Variants in SCUBE1 observed in about 807,000 individuals in gnomAD.
The protein encoded by SCUBE1 is signal peptide, CUB domain and EGF like domain containing 1.
A neutral mutation model predicts 124.4 loss-of-function variants in SCUBE1; 59 were observed. The observed-to-expected ratio is 0.47, with a 90% CI of 0.38 to 0.59. SCUBE1 has a LOEUF of 0.59. SCUBE1 is among the 20% of genes least tolerant of loss of function. SCUBE1 has a pLI of 0.00. For missense variants in SCUBE1, 1,150 were observed against 1,371.2 expected (o/e 0.84, Z 2.55); for synonymous variants, 545 against 550.9 (o/e 0.99, Z 0.15).
At position 43,222,624 on chromosome 22, in the gene SCUBE1, GC is replaced by G. The variant is rs1484057351; in HGVS notation, c.1432+13del. ...ACCCAGTGGCATGCAGCATGGACAG[GC>G]CGGGGGGGTTACCTGAGCAGCTGGG... On this transcript the variant is annotated intron_variant, in intron 12 of 21. Coordinates refer to ENST00000360835, the MANE Select transcript of SCUBE1 (RefSeq NM_173050.5). 37 of 1,476,014 alleles carry G rather than the reference GC, an allele frequency of 2.5e-5. No individual in the cohort carries two copies. Among genetic ancestry groups the G allele is most frequent in the Non-Finnish European group, 3.0e-5 (34 of 1,120,654 alleles). The allele number at this position is 1,476,014 out of a possible 1,614,324, so 91.4% of individuals were successfully genotyped here.
In SCUBE1 at chr22:43,208,085, A is replaced by G. The variant is rs764501830; in HGVS notation, c.2721T>C (p.Tyr907=). 1.1e-5 allele frequency: 17 copies of G among 1,613,990 alleles called. 1 individual carries two copies. In the South Asian group the frequency reaches 1.8e-4, roughly 17 times the overall value. The part of the protein sequence containing the change: ...GNSGKGFQVP[Y]VTYDEDYQQL... ...AGTGGATCTTACCATCGTAGGTGAC[A>G]TAGGGCACTTGGAAGCCTTTGCCGC... Residue 907 remains tyrosine (Y), a synonymous_variant, in exon 20 of 22, where the codon TAT becomes TAC. Transcript: ENST00000360835.
chr22:43,281,405 C>T (rs1171518632), intron 4 of SCUBE1, among the ~76,000 whole-genome samples: 4 of 91,780 alleles, frequency 4.4e-5, no homozygotes, highest in African/African-American at 1.6e-4. Flanking sequence ...TATCCTGTCA[C>T]CTCCCTCAGC....
chr22:43,214,381 G>A, intron 15 of SCUBE1, 130 bp from the exon 16 acceptor site: 1 of 847,560 alleles, frequency 1.2e-6, no homozygotes, highest in Non-Finnish European at 1.8e-6. Context: ...GACACAGAGG[G>A]GCCCCTGACC....
At chr22:43,267,154 A>C (rs2146717472) in intron 4 of SCUBE1, among the ~76,000 whole-genome samples, 1 of 152,316 alleles carries the variant, frequency 6.6e-6, no homozygotes, top group East Asian at 1.9e-4. Context: ...TGCTTCCGTC[A>C]CACTCTTTCC....
chr22:43,240,221 G>A (rs1292744885), intron 6 of SCUBE1, among the ~76,000 whole-genome samples: 15 of 152,182 alleles, frequency 9.9e-5, no homozygotes, highest in Admixed American at 9.8e-4. Flanking sequence ...GCCAGTGGAA[G>A]GTGGGTGGTC....
At chr22:43,215,326 T>C (rs1044852307) in intron 15 of SCUBE1, among the ~76,000 whole-genome samples, 2 of 151,798 alleles carry the variant, frequency 1.3e-5, no homozygotes, top group Non-Finnish European at 2.9e-5. Context: ...ACGCAATGAG[T>C]AAGGGGAATC....
chr22:43,218,579 C>T (rs1921942375), intron 14 of SCUBE1, 121 bp from the exon 15 acceptor site: 1 of 997,082 alleles, frequency 1.0e-6, no homozygotes, highest in Non-Finnish European at 1.5e-6. Context: ...AGCACATTCT[C>T]ACAACAGTCC....
rs185525825 is a variant in SCUBE1, at chr22:43,328,864, G to A, written c.221-8799C>T. On this transcript the variant is annotated intron_variant, in intron 2 of 21. Coordinates refer to ENST00000360835, the MANE Select transcript of SCUBE1 (RefSeq NM_173050.5). ...AATCCTCCCTACAGCCAGGCAGAAA[G>A]GTCTTCATTTCCCATGGCTCATAGA... Among the ~76,000 whole-genome samples, 47 of 152,294 alleles carry A rather than the reference G, an allele frequency of 3.1e-4. No homozygotes were observed. In the East Asian group the frequency reaches 7.7e-3, roughly 25 times the overall value.
chr22:43,203,891 C>T lies in SCUBE1; in HGVS notation c.*106G>A. 1.6e-6 allele frequency: 2 copies of T among 1,247,744 alleles called. No individual in the cohort carries two copies. The highest frequency in any genetic ancestry group is 2.7e-5 in the South Asian group (2 of 73,306). 77.3% of individuals were successfully genotyped at this position (1,247,744 alleles called of 1,614,324 possible). A position where few individuals can be genotyped will look rare whatever the true frequency, so the allele number is the denominator to read the frequency against. On this transcript the variant is annotated 3_prime_UTR_variant, in exon 22 of 22. Transcript: ENST00000360835. Reference sequence around the variant, plus strand: ...TGGTCGGCTTCCCTGAAGGGCAGTGCCATGGGGTTCCCAAGGTGGTGTGGA... The same window carrying T: ...TGGTCGGCTTCCCTGAAGGGCAGTGTCATGGGGTTCCCAAGGTGGTGTGGA...
chr22:43,312,621 A>C (rs954793547), intron 3 of SCUBE1, among the ~76,000 whole-genome samples: 4 of 152,138 alleles, frequency 2.6e-5, no homozygotes, highest in African/African-American at 9.7e-5. Context: ...AGGGTGGCTC[A>C]AGGATGATGT....
In SCUBE1 at chr22:43,258,244, G is replaced by A; in HGVS notation, c.702C>T (p.Leu234=). Residue 234 remains leucine, a synonymous_variant, in exon 6 of 22, where the codon CTC becomes CTT. Transcript: ENST00000360835. This position sits in a 1 kb window ranked among gnomAD's most constrained non-coding sequence, Gnocchi z 5.0. The stretch of plus-strand genomic sequence containing the variant: ...CGATGCACGTGCGACCGTCTGAGTG[G>A]AGGGCGTACTTCTGGTGGCAACCAC... ...PTCGCHQKYA[L]HSDGRTCIET... is the part of the protein sequence containing the mutation. The A allele has an allele frequency of 6.2e-7, 1 of 1,613,836 alleles. No homozygotes were observed. The highest frequency in any genetic ancestry group is 8.5e-7 in the Non-Finnish European group (1 of 1,179,768).
chr22:43,276,401 G>A (rs1370443791), intron 4 of SCUBE1, among the ~76,000 whole-genome samples: 1 of 152,208 alleles, frequency 6.6e-6, no homozygotes, highest in Non-Finnish European at 1.5e-5. Context: ...GCAGCCACCA[G>A]GCCGGGAGAC....
rs1299348818 is a variant in SCUBE1, at chr22:43,238,794, A to G, written c.844+44T>C. On this transcript the variant is annotated intron_variant, in intron 7 of 21. Transcript: ENST00000360835. The stretch of plus-strand genomic sequence containing the variant: ...TGCAAGCACACGGAGGCTCTTGGCC[A>G]GGCCAGTACAGGCAGGGGCACCCAC... 3 of 1,505,206 alleles carry G rather than the reference A, an allele frequency of 2.0e-6. No individual in the cohort carries two copies. The South Asian group carries it at 3.4e-5, about 17-fold the overall frequency. 93.2% of individuals were successfully genotyped at this position (1,505,206 alleles called of 1,614,324 possible).
chr22:43,239,490 A>G (rs1017037473), intron 6 of SCUBE1, among the ~76,000 whole-genome samples: 1 of 152,254 alleles, frequency 6.6e-6, no homozygotes, highest in Admixed American at 6.5e-5. Context: ...TCAGCCCAAC[A>G]TCTGTTCTCA....
At chr22:43,223,775 T>G (rs1378819500) in intron 10 of SCUBE1, among the ~76,000 whole-genome samples, 1 of 152,222 alleles carries the variant, frequency 6.6e-6, no homozygotes, top group African/African-American at 2.4e-5. Context: ...GATGGCTAAT[T>G]GGTCGGTGAC....
intron 4 of SCUBE1, among the ~76,000 whole-genome samples, chr22:43,280,711 TCGGCCACCC>T (rs1924767423): frequency 8.6e-5 from 6 of 69,766 alleles, no homozygotes; most frequent in African/African-American, 2.6e-4. Context: ...ACCTTCCTCC[TCGGCCACCC>T]TCCTGTCACC....
At chr22:43,244,498 C>T (rs1014209239) in intron 6 of SCUBE1, among the ~76,000 whole-genome samples, 4 of 152,248 alleles carry the variant, frequency 2.6e-5, no homozygotes, top group African/African-American at 9.6e-5. Context: ...TGGGACCCTA[C>T]CCTCTGTTGG....
chr22:43,288,776 C>T (rs770818619), intron 4 of SCUBE1, among the ~76,000 whole-genome samples: 3 of 152,248 alleles, frequency 2.0e-5, no homozygotes, highest in Non-Finnish European at 2.9e-5. Context: ...CCTTCCTCAG[C>T]GTCACAACCC....
chr22:43,231,643 C>T, intron 8 of SCUBE1, 110 bp downstream of exon 8: 2 of 1,379,624 alleles, frequency 1.4e-6, no homozygotes, highest in Non-Finnish European at 2.0e-6. Context: ...CCCTCGGGCC[C>T]AGCCCCATCC....
Sources: gnomAD v4.1 joint callset for allele counts (sites outside exome capture counted in the v4.1 genomes callset) on GRCh38, gnomAD v4.1.1 for gene constraint, Gnocchi (gnomAD v3.1) non-coding constraint, MANE v1.5 for transcripts, NCBI Gene and HGNC (gene_info 2026-07-23, HGNC 2026-07-21) for gene names.